F13A1: variants seen among roughly 807,000 people sequenced by gnomAD.
The protein encoded by F13A1 is coagulation factor XIII A chain.
A neutral mutation model predicts 80.1 loss-of-function variants in F13A1; 47 were observed. The observed-to-expected ratio is 0.59, with a 90% CI of 0.46 to 0.75. F13A1 has a LOEUF of 0.75. F13A1 is among the 30% of genes least tolerant of loss of function. The pLI, the probability that F13A1 is intolerant of heterozygous loss-of-function variation, is 0.00. For synonymous variants in F13A1, 349 were observed against 344.9 expected (o/e 1.01, Z -0.13); for missense variants, 817 against 930.4 (o/e 0.88, Z 1.59).
chr6:6,147,761 CGAAAAAACTCATACAT>C (rs1472980346), intron 14 of F13A1, among the ~76,000 whole-genome samples: 2 of 152,068 alleles, frequency 1.3e-5, no homozygotes, highest in African/African-American at 4.8e-5. Flanking sequence ...TGTGTACATA[CGAAAAAACTCATACAT>C]GAAAATACTC....
intron 10 of F13A1, among the ~76,000 whole-genome samples, chr6:6,185,237 G>A (rs1455182612): frequency 4.7e-5 from 7 of 149,480 alleles, no homozygotes; most frequent in Non-Finnish European, 8.9e-5. Flanking sequence ...CCACTAACTC[G>A]TCATCTAGCA....
At chr6:6,180,321 C>T (rs756077269) in intron 11 of F13A1, among the ~76,000 whole-genome samples, 43 of 152,200 alleles carry the variant, frequency 2.8e-4, no homozygotes, top group Non-Finnish European at 5.4e-4. Flanking sequence ...CGGCAGCACC[C>T]GTCCACCCTG....
chr6:6,184,282 G>A (rs1223275735), intron 10 of F13A1, among the ~76,000 whole-genome samples: 1 of 152,230 alleles, frequency 6.6e-6, no homozygotes, highest in Non-Finnish European at 1.5e-5. Context: ...AGCAGCTCAA[G>A]CCCTGGGACA....
rs146946744 is a variant in F13A1 at position 6,223,290 on chromosome 6, C to A, written c.974-1119G>T. On this transcript the variant is annotated intron_variant, in intron 7 of 14. Coordinates refer to ENST00000264870, the MANE Select transcript of F13A1 (RefSeq NM_000129.4). The stretch of plus-strand genomic sequence containing the variant: ...TTGGATAACCTTTTTATGCCAAAGA[C>A]ACGAACGGATGTAAGGTGTTCACTA... Among the ~76,000 whole-genome samples, 20 of 152,318 alleles carry A rather than the reference C, an allele frequency of 1.3e-4. 1 individual carries two copies. In the East Asian group the frequency reaches 3.9e-3, roughly 29 times the overall value.
chr6:6,218,240 T>C (rs1446201972), intron 8 of F13A1, among the ~76,000 whole-genome samples: 2 of 152,166 alleles, frequency 1.3e-5, no homozygotes, highest in East Asian at 3.8e-4. Context: ...ATTTTGACTG[T>C]GACCTTTGTA....
chr6:6,213,192 C>T (rs1321827642), intron 8 of F13A1, among the ~76,000 whole-genome samples: 1 of 152,048 alleles, frequency 6.6e-6, no homozygotes, highest in Non-Finnish European at 1.5e-5. Flanking sequence ...CACAAAGATA[C>T]TCCTCGAGAC....
rs976447218 is a variant in F13A1 at position 6,145,899 on chromosome 6, C to T, written c.2046-127G>A. 4 of 1,231,136 alleles carry T rather than the reference C, an allele frequency of 3.2e-6. No homozygotes were observed. In the Admixed American group the frequency reaches 7.6e-5, roughly 23 times the overall value. The allele number at this position is 1,231,136 out of a possible 1,614,324, so 76.3% of individuals were successfully genotyped here. A position where few individuals can be genotyped will look rare whatever the true frequency, so the allele number is the denominator to read the frequency against. On this transcript the variant is annotated intron_variant, in intron 14 of 14. Transcript: ENST00000264870. ...CAGTTGGTGCTTAGGACACTGAAGA[C>T]TCTCACTGGCTGATTCAGCAAGTTA...
chr6:6,279,629 T>A (rs1758034314), intron 3 of F13A1, among the ~76,000 whole-genome samples: 1 of 152,162 alleles, frequency 6.6e-6, no homozygotes, highest in African/African-American at 2.4e-5. Context: ...CTCAGTCAGC[T>A]CAGAACACAT....
intron 3 of F13A1, among the ~76,000 whole-genome samples, chr6:6,304,036 A>G (rs1205789644): frequency 6.6e-6 from 1 of 152,182 alleles, no homozygotes; most frequent in Non-Finnish European, 1.5e-5. Context: ...TCCAGCATTT[A>G]TAGCAGATGT....
chr6:6,305,397 A>G lies in F13A1; in HGVS notation c.273T>C (p.Arg91=). 6.2e-7 allele frequency: 1 copy of G among 1,614,208 alleles called. No individual in the cohort carries two copies. The highest frequency in any genetic ancestry group is 8.5e-7 in the Non-Finnish European group (1 of 1,180,038). The change falls in exon 3 of 15, where the codon CGT becomes CGC. Residue 91 remains arginine (R), a synonymous_variant. Transcript: ENST00000264870. ...AGAGATCCCTTCTGGGGTCATATGG[A>G]CGACTGAAGTCAATCTGCACATAGA... ...QSFYVQIDFS[R]PYDPRRDLFR...
chr6:6,215,168 T>A (rs1400995239), intron 8 of F13A1, among the ~76,000 whole-genome samples: 1 of 131,770 alleles, frequency 7.6e-6, no homozygotes, highest in Non-Finnish European at 1.7e-5. Context: ...GAATCCTCCC[T>A]AACTCATTTT....
At chr6:6,206,383 C>G in intron 8 of F13A1, 1 of 440,726 alleles carries the variant, frequency 2.3e-6, no homozygotes, top group South Asian at 1.6e-5. Flanking sequence ...TATGATTAAC[C>G]AGAACATGAT....
chr6:6,304,222 T>G (rs1302541496), intron 3 of F13A1, among the ~76,000 whole-genome samples: 1 of 82,494 alleles, frequency 1.2e-5, no homozygotes, highest in East Asian at 8.8e-4. Context: ...CATTGAGGTG[T>G]TTTTTTTCTA....
At chr6:6,229,884 G>A (rs1008900721) in intron 6 of F13A1, among the ~76,000 whole-genome samples, 1 of 152,220 alleles carries the variant, frequency 6.6e-6, no homozygotes, top group Non-Finnish European at 1.5e-5. Flanking sequence ...CTGGTGCTGG[G>A]TCAACTTGGA....
chr6:6,156,061 G>T (rs1357881360), intron 13 of F13A1, among the ~76,000 whole-genome samples: 1 of 152,150 alleles, frequency 6.6e-6, no homozygotes, highest in African/African-American at 2.4e-5. Context: ...TTGGGCCAGA[G>T]AAAAGAATAA....
intron 11 of F13A1, 119 bp from the exon 12 acceptor site, chr6:6,174,986 C>G: frequency 8.1e-7 from 1 of 1,229,994 alleles, no homozygotes; most frequent in Non-Finnish European, 1.2e-6. Flanking sequence ...AAGCTTCAGA[C>G]CTCCCCAGGA....
rs556975279 is a variant in F13A1, at chr6:6,212,145, G to A, written c.1112+9888C>T. ...CCAGGTTTGCTTAGGTAAACAAAGC[G>A]GCCAGGAAGCTCGAACTGGGTGGAG... On this transcript the variant is annotated intron_variant, in intron 8 of 14. Transcript: ENST00000264870. Among the ~76,000 whole-genome samples, 857 of 152,280 alleles carry A rather than the reference G, an allele frequency of 5.6e-3. 8 individuals carry two copies. The highest frequency in any genetic ancestry group is 0.016 in the African/African-American group (684 of 41,552).
chr6:6,303,743 G>T (rs1304341146), intron 3 of F13A1, among the ~76,000 whole-genome samples: 1 of 151,978 alleles, frequency 6.6e-6, no homozygotes. Flanking sequence ...ACTTTTCATT[G>T]GTTTCTCATG....
intron 4 of F13A1, among the ~76,000 whole-genome samples, chr6:6,260,536 C>T (rs1757764484): frequency 1.3e-5 from 2 of 152,216 alleles, no homozygotes; most frequent in Admixed American, 6.5e-5. Flanking sequence ...CATTAACACA[C>T]ACACAAGCAT....
Sources: allele counts gnomAD v4.1 joint callset (sites outside exome capture counted in the v4.1 genomes callset), GRCh38; gene constraint gnomAD v4.1.1; transcripts MANE v1.5; gene names NCBI Gene and HGNC (gene_info 2026-07-23, HGNC 2026-07-21).